Variants in NAT8L observed in about 807,000 individuals in gnomAD.
The protein encoded by NAT8L is N-acetylaspartate synthetase.
NAT8L carries 6 observed loss-of-function variants against 21.2 expected under a neutral mutation model. The ratio of observed to expected loss-of-function variants is 0.28; its 90% CI spans 0.16 to 0.56. The LOEUF is 0.56. NAT8L is among the 20% of genes least tolerant of loss of function. The pLI, the probability that NAT8L is intolerant of heterozygous loss-of-function variation, is 0.93. For synonymous variants in NAT8L, 239 were observed against 204.9 expected (o/e 1.17, Z -1.42); for missense variants, 331 against 433.3 (o/e 0.76, Z 2.10).
Position 2,063,773 on chromosome 4 carries a change from G to A in NAT8L, c.555G>A (p.Trp185Ter), listed in dbSNP as rs1729936154. 1 of 1,611,548 alleles carries A rather than the reference G, an allele frequency of 6.2e-7. No individual in the cohort carries two copies. Among genetic ancestry groups the A allele is most frequent in the Non-Finnish European group, 8.5e-7 (1 of 1,179,904 alleles). The change falls in exon 3 of 3, where the codon TGG (tryptophan) becomes TGA (stop). Residue 185 changes from tryptophan to a stop codon, truncating the protein, a stop_gained. Transcript: ENST00000423729. LOFTEE classifies it high-confidence loss of function. ...TATCCCCTGCAGGCTCCTGCTTCTG[G>A]GTGGCCGTGCTGGATGGCAACGTGG... ...YYMKPPGSCF[W>*]VAVLDGNVVG...
intron 2 of NAT8L, 72 bp from the exon 3 acceptor site, chr4:2,063,688 T>C: frequency 6.3e-7 from 1 of 1,598,754 alleles, no homozygotes; most frequent in Non-Finnish European, 8.5e-7. Context: ...AAGGGCCCTG[T>C]CTCACCCCAG....
Position 2,059,332 on chromosome 4 carries a change from C to A in NAT8L, c.-180C>A, listed in dbSNP as rs1729804516. On this transcript the variant is annotated 5_prime_UTR_variant, in exon 1 of 3. Coordinates refer to ENST00000423729, the MANE Select transcript of NAT8L (RefSeq NM_178557.4). The surrounding 1 kb of genome is among the most constrained non-coding windows in gnomAD (Gnocchi z 4.8). ...CTCCAAAATGCGGCGCAGCTCCCTG[C>A]GCGCGCCCCGGCCGCCCGCCGCCTC... Among the ~76,000 whole-genome samples the A allele has an allele frequency of 1.4e-5, 2 of 145,264 alleles. No individual in the cohort carries two copies. Among genetic ancestry groups the A allele is most frequent in the South Asian group, 4.2e-4 (2 of 4,732 alleles).
At position 2,059,638 on chromosome 4, in the gene NAT8L, CCCGCCGCGCCCGGGCCGG is replaced by C. The variant is rs1176496321; in HGVS notation, c.139_156del (p.Gly47_Pro52del). ...CGCCGGCGCCATGTGGCCCCCGCTG[CCCGCCGCGCCCGGGCCGG>C]CCGCCGCGCCCCCCGCGCCCCCACC... On this transcript the variant is annotated inframe_deletion, in exon 1 of 3. Coordinates refer to ENST00000423729, the MANE Select transcript of NAT8L (RefSeq NM_178557.4). This position sits in a 1 kb window ranked among gnomAD's most constrained non-coding sequence, Gnocchi z 4.8. 4.9e-4 allele frequency: 472 copies of C among 971,908 alleles called. 4 individuals are homozygous for C. The highest frequency in any genetic ancestry group is 1.6e-3 in the Middle Eastern group (3 of 1,930). 60.2% of individuals were successfully genotyped at this position (971,908 alleles called of 1,614,324 possible).
At position 2,067,949 on chromosome 4, in the gene NAT8L, T is replaced by G. The variant is rs2108682579; in HGVS notation, c.*3822T>G. ...CTTGCAGACCCTGGGATCCGCTTAC[T>G]CCTCCGCGCCACGGCTGCTGTGCTT... On this transcript the variant is annotated 3_prime_UTR_variant, in exon 3 of 3. Transcript: ENST00000423729. 1.3e-5 allele frequency: 2 copies of G among 152,414 alleles called. No homozygotes were observed. The highest frequency in any genetic ancestry group is 3.9e-4 in the East Asian group (2 of 5,184). 9.4% of individuals were successfully genotyped at this position (152,414 alleles called of 1,614,324 possible). A position where few individuals can be genotyped will look rare whatever the true frequency, so the allele number is the denominator to read the frequency against.
intron 2 of NAT8L, among the ~76,000 whole-genome samples, chr4:2,062,946 G>A (rs1055834828): frequency 2.0e-5 from 3 of 152,206 alleles, no homozygotes; most frequent in African/African-American, 7.2e-5. Flanking sequence ...AGTGCCTGCA[G>A]GTTCCCTCCC....
At position 2,064,995 on chromosome 4, in the gene NAT8L, T is replaced by A. The variant is rs747180541; in HGVS notation, c.*868T>A. On this transcript the variant is annotated 3_prime_UTR_variant, in exon 3 of 3. Coordinates refer to ENST00000423729, the MANE Select transcript of NAT8L (RefSeq NM_178557.4). ...CTGACGGTCCACCCTGTGAATCTTA[T>A]CAGCCCAGGCTGCTGCCAACAGCGC... 1 of 152,562 alleles carries A rather than the reference T, an allele frequency of 6.6e-6. No homozygotes were observed. Among genetic ancestry groups the A allele is most frequent in the Non-Finnish European group, 1.5e-5 (1 of 68,156 alleles). The allele number at this position is 152,562 out of a possible 1,614,324, so 9.5% of individuals were successfully genotyped here.
chr4:2,067,948 C>A lies in NAT8L; in HGVS notation c.*3821C>A, dbSNP rs1730037754. The A allele has an allele frequency of 6.6e-6, 1 of 152,340 alleles. No individual in the cohort carries two copies. Among genetic ancestry groups the A allele is most frequent in the Non-Finnish European group, 1.5e-5 (1 of 68,098 alleles). The allele number at this position is 152,340 out of a possible 1,614,324, so 9.4% of individuals were successfully genotyped here. On this transcript the variant is annotated 3_prime_UTR_variant, in exon 3 of 3. Transcript: ENST00000423729. ...ACTTGCAGACCCTGGGATCCGCTTA[C>A]TCCTCCGCGCCACGGCTGCTGTGCT...
chr4:2,068,180 CAT>C lies in NAT8L; in HGVS notation c.*4054_*4055del, dbSNP rs1414199544. The C allele has an allele frequency of 1.3e-5, 2 of 151,944 alleles. No individual in the cohort carries two copies. Among genetic ancestry groups the C allele is most frequent in the South Asian group, 2.1e-4 (1 of 4,828 alleles). 9.4% of individuals were successfully genotyped at this position (151,944 alleles called of 1,614,324 possible). ...GATATGTGTAGTGTGAGCATGTGTG[CAT>C]GTGTGAGCCTGTGCACGTGCATGTT... On this transcript the variant is annotated 3_prime_UTR_variant, in exon 3 of 3. Coordinates refer to ENST00000423729, the MANE Select transcript of NAT8L (RefSeq NM_178557.4).
chr4:2,068,716 C>G lies in NAT8L; in HGVS notation c.*4589C>G, dbSNP rs938925607. On this transcript the variant is annotated 3_prime_UTR_variant, in exon 3 of 3. Coordinates refer to ENST00000423729, the MANE Select transcript of NAT8L (RefSeq NM_178557.4). ...CCGGCGGTGGTGGGCTGGCAGTGCC[C>G]GGGGAAGCAGGTCCTGCTCACGGCT... is the stretch of plus-strand genomic sequence containing the variant. 1 of 152,162 alleles carries G rather than the reference C, an allele frequency of 6.6e-6. No individual in the cohort carries two copies. Among genetic ancestry groups the G allele is most frequent in the African/African-American group, 2.4e-5 (1 of 41,402 alleles). The allele number at this position is 152,162 out of a possible 1,614,324, so 9.4% of individuals were successfully genotyped here.
chr4:2,061,826 TGCGATCCTGGA>T (rs1321038045), intron 2 of NAT8L, among the ~76,000 whole-genome samples: 1 of 152,086 alleles, frequency 6.6e-6, no homozygotes, highest in Non-Finnish European at 1.5e-5. Flanking sequence ...GGAGGCTCTC[TGCGATCCTGGA>T]GCGTCTGTAG....
In NAT8L at chr4:2,059,998, G is replaced by A. The variant is rs1729821210; in HGVS notation, c.376+111G>A. 1 of 584,836 alleles carries A rather than the reference G, an allele frequency of 1.7e-6. No homozygotes were observed. Among genetic ancestry groups the A allele is most frequent in the Non-Finnish European group, 2.3e-6 (1 of 433,140 alleles). The allele number at this position is 584,836 out of a possible 1,614,324, so 36.2% of individuals were successfully genotyped here. On this transcript the variant is annotated intron_variant, in intron 1 of 2. Transcript: ENST00000423729. The surrounding 1 kb of genome is among the most constrained non-coding windows in gnomAD (Gnocchi z 4.8). ...CGGCTCCCGGGGACCAGCCTGGGAA[G>A]CCCCCCGCTTTCTGCCGCGCCGGGC...
rs1476228603 is a variant in NAT8L, at chr4:2,064,163, C to T, written c.*36C>T. On this transcript the variant is annotated 3_prime_UTR_variant, in exon 3 of 3. Coordinates refer to ENST00000423729, the MANE Select transcript of NAT8L (RefSeq NM_178557.4). The stretch of plus-strand genomic sequence containing the variant: ...TCGCCCGCCCGCCCCCCCGGCCGCC[C>T]TGTCCGCCTTTGCCCGCCTGCCCGC... 1 of 1,419,116 alleles carries T rather than the reference C, an allele frequency of 7.0e-7. No homozygotes were observed. Among genetic ancestry groups the T allele is most frequent in the Admixed American group, 2.5e-5 (1 of 39,662 alleles). 87.9% of individuals were successfully genotyped at this position (1,419,116 alleles called of 1,614,324 possible).
Position 2,060,952 on chromosome 4 carries a change from C to T in NAT8L, c.377-46C>T. 8.5e-7 allele frequency: 1 copy of T among 1,173,048 alleles called. No individual in the cohort carries two copies. The highest frequency in any genetic ancestry group is 1.2e-6 in the Non-Finnish European group (1 of 839,828). 72.7% of individuals were successfully genotyped at this position (1,173,048 alleles called of 1,614,324 possible). Reference sequence around the variant, plus strand: ...CTTCGCCGGGGTGGCGTCTCTGGGGCCTGGGGACCCCCGCCGCGCCGCTGA... The same window carrying T: ...CTTCGCCGGGGTGGCGTCTCTGGGGTCTGGGGACCCCCGCCGCGCCGCTGA... On this transcript the variant is annotated intron_variant, in intron 1 of 2. Transcript: ENST00000423729. The surrounding 1 kb of genome is among the most constrained non-coding windows in gnomAD (Gnocchi z 4.7).
Position 2,065,662 on chromosome 4 carries a change from GCT to G in NAT8L, c.*1536_*1537del, listed in dbSNP as rs1560949718. 6.6e-6 allele frequency: 1 copy of G among 152,376 alleles called. No homozygotes were observed. The highest frequency in any genetic ancestry group is 1.5e-5 in the Non-Finnish European group (1 of 68,098). The allele number at this position is 152,376 out of a possible 1,614,324, so 9.4% of individuals were successfully genotyped here. ...CATGGAGGGATGCTTCTCACGAGGC[GCT>G]TCAGAAGCGAGCGAAGGGACAGAGA... On this transcript the variant is annotated 3_prime_UTR_variant, in exon 3 of 3. Transcript: ENST00000423729.
At position 2,068,087 on chromosome 4, in the gene NAT8L, G is replaced by A. The variant is rs1274150633; in HGVS notation, c.*3960G>A. 4.6e-5 allele frequency: 7 copies of A among 151,810 alleles called. No homozygotes were observed. Among genetic ancestry groups the A allele is most frequent in the African/African-American group, 1.2e-4 (5 of 41,264 alleles). 9.4% of individuals were successfully genotyped at this position (151,810 alleles called of 1,614,324 possible). On this transcript the variant is annotated 3_prime_UTR_variant, in exon 3 of 3. Coordinates refer to ENST00000423729, the MANE Select transcript of NAT8L (RefSeq NM_178557.4). ...ACAGCAATAATTAGCCATTTTAAAGGAGGGATGTACCTGTGTGTGTGCATG... is the reference window on the plus strand; with the variant it reads ...ACAGCAATAATTAGCCATTTTAAAGAAGGGATGTACCTGTGTGTGTGCATG...
Position 2,059,812 on chromosome 4 carries a change from G to A in NAT8L, c.301G>A (p.Glu101Lys). Residue 101 changes from glutamate to lysine, a missense_variant, in exon 1 of 3, where the codon GAG (glutamate) becomes AAG (lysine). Glu to Lys is a moderately conservative substitution (Grantham distance 56, BLOSUM62 1). Transcript: ENST00000423729. This position sits in a 1 kb window ranked among gnomAD's most constrained non-coding sequence, Gnocchi z 4.8. ...CCGCATCTTCTACGACGGCATCATG[G>A]AGCGCATCCCTAACACGGCCTTCCG... ...ARRIFYDGIM[E>K]RIPNTAFRGL... 7.2e-7 allele frequency: 1 copy of A among 1,396,786 alleles called. No individual in the cohort carries two copies. Among genetic ancestry groups the A allele is most frequent in the Non-Finnish European group, 9.4e-7 (1 of 1,066,508 alleles). 86.5% of individuals were successfully genotyped at this position (1,396,786 alleles called of 1,614,324 possible).
intron 2 of NAT8L, among the ~76,000 whole-genome samples, chr4:2,062,321 G>A (rs1458811173): frequency 6.6e-6 from 1 of 152,174 alleles, no homozygotes; most frequent in Non-Finnish European, 1.5e-5. Context: ...GCCACATGGT[G>A]CTGGGGGTTG....
At position 2,059,625 on chromosome 4, in the gene NAT8L, G is replaced by A. The variant is rs1255753493; in HGVS notation, c.114G>A (p.Met38Ile). The A allele has an allele frequency of 6.1e-6, 6 of 977,768 alleles. No homozygotes were observed. Among genetic ancestry groups the A allele is most frequent in the Non-Finnish European group, 7.3e-6 (6 of 825,910 alleles). 60.6% of individuals were successfully genotyped at this position (977,768 alleles called of 1,614,324 possible). Reference protein sequence around the residue: ...KDALLAAAGAMWPPLPAAPGP... With the variant: ...KDALLAAAGAIWPPLPAAPGP... Reference sequence around the variant, plus strand: ...CGCTGCTCGCCGCCGCCGGCGCCATGTGGCCCCCGCTGCCCGCCGCGCCCG... The same window carrying A: ...CGCTGCTCGCCGCCGCCGGCGCCATATGGCCCCCGCTGCCCGCCGCGCCCG... The change falls in exon 1 of 3, where the codon ATG becomes ATA. Residue 38 changes from methionine to isoleucine, a missense_variant. Met to Ile is a conservative substitution (Grantham distance 10). Around this residue, in one of 2 missense-constraint regions of NAT8L, gnomAD observed 199 missense variants for 196.1 expected, o/e 1.01. Coordinates refer to ENST00000423729, the MANE Select transcript of NAT8L (RefSeq NM_178557.4). The surrounding 1 kb of genome is among the most constrained non-coding windows in gnomAD (Gnocchi z 4.8).
In NAT8L at chr4:2,059,373, A is replaced by AGCT. The variant is rs1553889919; in HGVS notation, c.-136_-134dup. The AGCT allele has an allele frequency of 5.1e-5, 8 of 157,454 alleles. No individual in the cohort carries two copies. Among genetic ancestry groups the AGCT allele is most frequent in the East Asian group, 2.1e-4 (1 of 4,758 alleles). The allele number at this position is 157,454 out of a possible 1,614,324, so 9.8% of individuals were successfully genotyped here. On this transcript the variant is annotated 5_prime_UTR_variant, in exon 1 of 3. Transcript: ENST00000423729. The surrounding 1 kb of genome is among the most constrained non-coding windows in gnomAD (Gnocchi z 4.8). ...CCGCCGCCTCCGCCCCGCGCCCCTGAGCTGCCGCCGCCGCCGCCGCCGCTG... is the reference window on the plus strand; with the variant it reads ...CCGCCGCCTCCGCCCCGCGCCCCTGAGCTGCTGCCGCCGCCGCCGCCGCCGCTG...
Sources: gnomAD v4.1 joint callset for allele counts (sites outside exome capture counted in the v4.1 genomes callset) on GRCh38, gnomAD v4.1.1 for gene constraint, gnomAD v4.1.1 regional missense constraint, Gnocchi (gnomAD v3.1) non-coding constraint, MANE v1.5 for transcripts, NCBI Gene and HGNC (gene_info 2026-07-23, HGNC 2026-07-21) for gene names.